Variants in GDPGP1 observed in about 807,000 individuals in gnomAD.
The protein encoded by GDPGP1 is GDP-D-glucose phosphorylase C15orf58.
In GDPGP1, 18 loss-of-function variants were observed where a neutral mutation model predicts 19.2. The ratio of observed to expected loss-of-function variants is 0.94; its 90% confidence interval spans 0.65 to 1.39. The LOEUF is 1.39. GDPGP1 is among the 40% of genes most tolerant of loss of function. The pLI, the probability that GDPGP1 is intolerant of heterozygous loss-of-function variation, is 0.00. For missense variants in GDPGP1, 449 were observed against 490.5 expected (o/e 0.92, Z 0.80); for synonymous variants, 219 against 208.9 (o/e 1.05, Z -0.42).
chr15:90,240,827 A>C, intron 3 of GDPGP1, 73 bp from the exon 4 acceptor site: 2 of 984,142 alleles, frequency 2.0e-6, no homozygotes, highest in Non-Finnish European at 1.5e-6. Context: ...AAAAAAAATA[A>C]ATAAATAAAT....
rs866946764 is a variant in GDPGP1, at chr15:90,241,731, C to T, written c.823C>T (p.Arg275Trp). 3.7e-6 allele frequency: 6 copies of T among 1,614,096 alleles called. No individual in the cohort carries two copies. Among genetic ancestry groups the T allele is most frequent in the Non-Finnish European group, 5.1e-6 (6 of 1,180,042 alleles). ...DLESLISRVC[R>W]ATDYLTDHEI... ...GGAGTCCTTGATAAGCAGGGTATGT[C>T]GGGCCACTGATTATCTGACTGACCA... The change falls in exon 4 of 4, where the codon CGG (arginine) becomes TGG (tryptophan). Residue 275 changes from arginine (R) to tryptophan (W), a missense_variant. Physicochemically the swap from Arg to Trp is moderately radical, Grantham distance 101. Transcript: ENST00000329600.
rs1962765886 is a variant in GDPGP1, at chr15:90,241,745, TCTGA to T, written c.843_846del (p.Asp282MetfsTer29). ...GCAGGGTATGTCGGGCCACTGATTA[TCTGA>T]CTGACCATGAGATTGCTCATAACTT... On this transcript the variant is annotated frameshift_variant, in exon 4 of 4. Coordinates refer to ENST00000329600, the MANE Select transcript of GDPGP1 (RefSeq NM_001013657.3). LOFTEE classifies it high-confidence loss of function. The T allele has an allele frequency of 6.2e-7, 1 of 1,614,254 alleles. No individual in the cohort carries two copies. Among genetic ancestry groups the T allele is most frequent in the East Asian group, 2.2e-5 (1 of 44,884 alleles).
intron 2 of GDPGP1, among the ~76,000 whole-genome samples, chr15:90,235,891 G>A (rs1406990019): frequency 6.6e-6 from 1 of 151,964 alleles, no homozygotes; most frequent in African/African-American, 2.4e-5. Context: ...TTAATAGCAG[G>A]CTCTTTCTGT....
rs1209015774 is a variant in GDPGP1, at chr15:90,243,672, A to G, written c.*1606A>G. 5.5e-5 allele frequency: 3 copies of G among 54,718 alleles called. No homozygotes were observed. 3.4% of individuals were successfully genotyped at this position (54,718 alleles called of 1,614,324 possible). A position where few individuals can be genotyped will look rare whatever the true frequency, so the allele number is the denominator to read the frequency against. ...TTTTTTTTTTTTTTTTTTTTTTTTGACACAGGGTCACTGTCACCCAGGCTG... is the reference window on the plus strand; with the variant it reads ...TTTTTTTTTTTTTTTTTTTTTTTTGGCACAGGGTCACTGTCACCCAGGCTG... On this transcript the variant is annotated 3_prime_UTR_variant, in exon 4 of 4. Coordinates refer to ENST00000329600, the MANE Select transcript of GDPGP1 (RefSeq NM_001013657.3).
At chr15:90,236,363 T>C (rs1015048092) in intron 2 of GDPGP1, among the ~76,000 whole-genome samples, 2 of 152,194 alleles carry the variant, frequency 1.3e-5, no homozygotes, top group African/African-American at 4.8e-5. Flanking sequence ...AGTGAAGACA[T>C]GAGAGTCAGC....
rs1478774305 is a variant in GDPGP1, at chr15:90,244,130, G to T, written c.*2064G>T. The T allele has an allele frequency of 6.6e-6, 1 of 152,166 alleles. No individual in the cohort carries two copies. Among genetic ancestry groups the T allele is most frequent in the Non-Finnish European group, 1.5e-5 (1 of 68,086 alleles). 9.4% of individuals were successfully genotyped at this position (152,166 alleles called of 1,614,324 possible). A position where few individuals can be genotyped will look rare whatever the true frequency, so the allele number is the denominator to read the frequency against. ...TACTTTGTTCAAGGTCAGGCAGCTG[G>T]AGTCGGGACTGCAGCACAGGCAGGT... is the stretch of plus-strand genomic sequence containing the variant. On this transcript the variant is annotated 3_prime_UTR_variant, in exon 4 of 4. Coordinates refer to ENST00000329600, the MANE Select transcript of GDPGP1 (RefSeq NM_001013657.3).
rs1471685636 is a variant in GDPGP1, at chr15:90,243,024, AG to A, written c.*962del. On this transcript the variant is annotated 3_prime_UTR_variant, in exon 4 of 4. Transcript: ENST00000329600. The stretch of plus-strand genomic sequence containing the variant: ...CTCTCCCCGTTCTTGTTCAAGCCCC[AG>A]GGGTGTTAAAAAGGAGTGTGTGTGA... 1.3e-5 allele frequency: 2 copies of A among 152,024 alleles called. No homozygotes were observed. The highest frequency in any genetic ancestry group is 4.8e-5 in the African/African-American group (2 of 41,354). 9.4% of individuals were successfully genotyped at this position (152,024 alleles called of 1,614,324 possible).
intron 3 of GDPGP1, among the ~76,000 whole-genome samples, chr15:90,239,433 T>C (rs897662813): frequency 2.6e-5 from 4 of 151,860 alleles, no homozygotes; most frequent in African/African-American, 7.3e-5. Flanking sequence ...TCTGCAAGGG[T>C]GGACAGGCCT....
At position 90,241,939 on chromosome 15, in the gene GDPGP1, C is replaced by T. The variant is rs1289589340; in HGVS notation, c.1031C>T (p.Ser344Phe). 6.2e-7 allele frequency: 1 copy of T among 1,614,156 alleles called. No homozygotes were observed. The highest frequency in any genetic ancestry group is 2.2e-5 in the East Asian group (1 of 44,890). The change falls in exon 4 of 4, where the codon TCC (serine) becomes TTC (phenylalanine). Residue 344 changes from serine (S) to phenylalanine (F), a missense_variant. By Grantham distance (155) the Ser-to-Phe change is radical. Transcript: ENST00000329600. ...ELAGHLPVKT[S>F]QDFSSLTEAA... ...GCTGGGCACCTCCCTGTCAAAACAT[C>T]CCAGGACTTCAGCAGCCTGACAGAG...
intron 2 of GDPGP1, 117 bp downstream of exon 2, chr15:90,234,713 C>T (rs1198381049): frequency 2.6e-5 from 4 of 152,242 alleles, no homozygotes; most frequent in African/African-American, 7.2e-5. Context: ...TAAAGGCTCT[C>T]CACTGCTGTT....
rs1409079122 is a variant in GDPGP1, at chr15:90,240,952, C to T, written c.44C>T (p.Pro15Leu). 7 of 1,614,034 alleles carry T rather than the reference C, an allele frequency of 4.3e-6. No homozygotes were observed. Among genetic ancestry groups the T allele is most frequent in the Middle Eastern group, 1.6e-4 (1 of 6,062 alleles). ...HDSNETSYLL[P>L]PNNEDWGRQT... is the part of the protein sequence containing the mutation. ...TCAAACGAAACTTCCTATTTGCTGCCTCCCAACAATGAGGACTGGGGCAGG... is the reference window on the plus strand; with the variant it reads ...TCAAACGAAACTTCCTATTTGCTGCTTCCCAACAATGAGGACTGGGGCAGG... The change falls in exon 4 of 4, where the codon CCT (proline) becomes CTT (leucine). Residue 15 changes from proline to leucine, a missense_variant. By Grantham distance (98) the Pro-to-Leu change is moderately conservative. Transcript: ENST00000329600.
chr15:90,241,728 T>C lies in GDPGP1; in HGVS notation c.820T>C (p.Cys274Arg), dbSNP rs1041651372. The C allele has an allele frequency of 1.9e-6, 3 of 1,614,120 alleles. No homozygotes were observed. The highest frequency in any genetic ancestry group is 2.5e-6 in the Non-Finnish European group (3 of 1,180,050). Residue 274 changes from cysteine to arginine, a missense_variant, in exon 4 of 4, where the codon TGT (cysteine) becomes CGT (arginine). Transcript: ENST00000329600. ...PDLESLISRVCRATDYLTDHE... is the reference protein window; with the variant it reads ...PDLESLISRVRRATDYLTDHE... The stretch of plus-strand genomic sequence containing the variant: ...CTTGGAGTCCTTGATAAGCAGGGTA[T>C]GTCGGGCCACTGATTATCTGACTGA...
chr15:90,235,659 C>T (rs893742466), intron 2 of GDPGP1, among the ~76,000 whole-genome samples: 1 of 152,052 alleles, frequency 6.6e-6, no homozygotes, highest in Non-Finnish European at 1.5e-5. Context: ...GCTCCGCCTC[C>T]TGGGTTCACG....
rs781501813 is a variant in GDPGP1, at chr15:90,242,074, G to A, written c.*8G>A. ...TCCCAGGAAGAGCAATAATACTTCT[G>A]GATGTATTTATGTTCTTTTTTTCTT... On this transcript the variant is annotated 3_prime_UTR_variant, in exon 4 of 4. Coordinates refer to ENST00000329600, the MANE Select transcript of GDPGP1 (RefSeq NM_001013657.3). The A allele has an allele frequency of 6.3e-7, 1 of 1,586,298 alleles. No individual in the cohort carries two copies. Among genetic ancestry groups the A allele is most frequent in the African/African-American group, 1.4e-5 (1 of 73,470 alleles).
Position 90,242,210 on chromosome 15 carries a change from C to A in GDPGP1, c.*144C>A. On this transcript the variant is annotated 3_prime_UTR_variant, in exon 4 of 4. Coordinates refer to ENST00000329600, the MANE Select transcript of GDPGP1 (RefSeq NM_001013657.3). ...TGAAGTGATCCTCCCACCTCAGCCTCTTGAGTAGCTGAGACTATAGGCGTG... is the reference window on the plus strand; with the variant it reads ...TGAAGTGATCCTCCCACCTCAGCCTATTGAGTAGCTGAGACTATAGGCGTG... The A allele has an allele frequency of 1.9e-6, 1 of 536,082 alleles. No individual in the cohort carries two copies. Among genetic ancestry groups the A allele is most frequent in the Admixed American group, 3.5e-5 (1 of 28,750 alleles). The allele number at this position is 536,082 out of a possible 1,614,324, so 33.2% of individuals were successfully genotyped here.
chr15:90,235,228 G>A (rs1023043171), intron 2 of GDPGP1, among the ~76,000 whole-genome samples: 1 of 152,156 alleles, frequency 6.6e-6, no homozygotes, highest in Admixed American at 6.6e-5. Context: ...GGCAGCATGT[G>A]TTTGATAAGA....
chr15:90,243,882 C>G lies in GDPGP1; in HGVS notation c.*1816C>G, dbSNP rs1449600520. 1 of 151,976 alleles carries G rather than the reference C, an allele frequency of 6.6e-6. No homozygotes were observed. The highest frequency in any genetic ancestry group is 1.5e-5 in the Non-Finnish European group (1 of 68,146). The allele number at this position is 151,976 out of a possible 1,614,324, so 9.4% of individuals were successfully genotyped here. Reference sequence around the variant, plus strand: ...GTCTCGAACTCCTGGCCTCAAGATCCTCCCACCTCAGCCTCCCAAAGTGCT... The same window carrying G: ...GTCTCGAACTCCTGGCCTCAAGATCGTCCCACCTCAGCCTCCCAAAGTGCT... On this transcript the variant is annotated 3_prime_UTR_variant, in exon 4 of 4. Coordinates refer to ENST00000329600, the MANE Select transcript of GDPGP1 (RefSeq NM_001013657.3).
chr15:90,245,097 T>A lies in GDPGP1; in HGVS notation c.*3031T>A, dbSNP rs996290017. 6.6e-6 allele frequency: 1 copy of A among 152,242 alleles called. No individual in the cohort carries two copies. Among genetic ancestry groups the A allele is most frequent in the Non-Finnish European group, 1.5e-5 (1 of 68,050 alleles). 9.4% of individuals were successfully genotyped at this position (152,242 alleles called of 1,614,324 possible). On this transcript the variant is annotated 3_prime_UTR_variant, in exon 4 of 4. Coordinates refer to ENST00000329600, the MANE Select transcript of GDPGP1 (RefSeq NM_001013657.3). The stretch of plus-strand genomic sequence containing the variant: ...CCTGTATAAAGCCTTAGTTTCCAGT[T>A]TTCATTAGAGGTTTTACATCCCAAA...
At chr15:90,238,380 C>T (rs1962679702) in intron 2 of GDPGP1, 112 bp from the exon 3 acceptor site, 1 of 152,212 alleles carries the variant, frequency 6.6e-6, no homozygotes, top group African/African-American at 2.4e-5. Context: ...CGGCAAATCT[C>T]CAGGACGTTT....
Sources: gnomAD v4.1 joint callset for allele counts (sites outside exome capture counted in the v4.1 genomes callset) on GRCh38, gnomAD v4.1.1 for gene constraint, MANE v1.5 for transcripts, NCBI Gene and HGNC (gene_info 2026-07-23, HGNC 2026-07-21) for gene names.